ZDHHC20: variants seen among roughly 807,000 people sequenced by gnomAD.
ZDHHC20 encodes the protein zDHHC palmitoyltransferase 20.
Under a neutral mutation model 57.8 loss-of-function variants are expected in ZDHHC20, and 43 were observed. That is an observed-to-expected ratio of 0.74 (90% CI 0.58 to 0.96). ZDHHC20 has a LOEUF of 0.96. Ranked by LOEUF, ZDHHC20 falls within the 40% of genes least tolerant of loss-of-function variation. The pLI is 0.00. For synonymous variants in ZDHHC20, 157 were observed against 153.0 expected (o/e 1.03, Z -0.19); for missense variants, 391 against 441.1 (o/e 0.89, Z 1.02).
intron 9 of ZDHHC20, among the ~76,000 whole-genome samples, chr13:21,383,573 A>G (rs1315346567): frequency 6.6e-6 from 1 of 152,190 alleles, no homozygotes; most frequent in African/African-American, 2.4e-5. Context: ...ATTTAGAAAC[A>G]ATGTCTTCTG....
chr13:21,433,664 G>A (rs1344821570), intron 1 of ZDHHC20, among the ~76,000 whole-genome samples: 1 of 152,118 alleles, frequency 6.6e-6, no homozygotes, highest in Non-Finnish European at 1.5e-5. Flanking sequence ...GCCTGGTTTT[G>A]TTTTTTGTTT....
intron 4 of ZDHHC20, among the ~76,000 whole-genome samples, chr13:21,403,716 G>A (rs1260359654): frequency 2.0e-5 from 3 of 152,078 alleles, no homozygotes; most frequent in Non-Finnish European, 4.4e-5. Context: ...GGGACGGAGT[G>A]TCGCTCCGTC....
At chr13:21,390,460 G>T (rs1189486020) in intron 8 of ZDHHC20, among the ~76,000 whole-genome samples, 1 of 152,070 alleles carries the variant, frequency 6.6e-6, no homozygotes. Context: ...AGAAATAAAT[G>T]TTAATACTAG....
intron 1 of ZDHHC20, among the ~76,000 whole-genome samples, chr13:21,448,395 C>T (rs1180068435): frequency 1.9e-5 from 2 of 107,624 alleles, no homozygotes; most frequent in Non-Finnish European, 4.4e-5. Flanking sequence ...CCCGGCCAGC[C>T]GCCCCGTCCG....
chr13:21,418,133 G>A (rs146856199), intron 3 of ZDHHC20, among the ~76,000 whole-genome samples: 14 of 152,312 alleles, frequency 9.2e-5, no homozygotes, highest in African/African-American at 2.4e-4. Context: ...AGAATGCAAC[G>A]TAAATATCCC....
chr13:21,398,074 C>A (rs1877073675), intron 7 of ZDHHC20, among the ~76,000 whole-genome samples: 1 of 152,110 alleles, frequency 6.6e-6, no homozygotes, highest in African/African-American at 2.4e-5. Context: ...AATGAAAGAA[C>A]AAAGAGTCTA....
chr13:21,449,048 C>G (rs1190529334), intron 1 of ZDHHC20, among the ~76,000 whole-genome samples: 1 of 130,854 alleles, frequency 7.6e-6, no homozygotes, highest in South Asian at 2.5e-4. Flanking sequence ...TCACCAATCC[C>G]TGATCTCAAG....
intron 9 of ZDHHC20, among the ~76,000 whole-genome samples, chr13:21,383,736 C>A (rs1873908052): frequency 6.6e-6 from 1 of 152,016 alleles, no homozygotes; most frequent in East Asian, 1.9e-4. Context: ...ATTCATTAAA[C>A]AAATATTTAC....
chr13:21,413,936 T>C (rs1038886913), intron 3 of ZDHHC20, among the ~76,000 whole-genome samples, 164 bp from the exon 4 acceptor site: 3 of 152,172 alleles, frequency 2.0e-5, no homozygotes, highest in Non-Finnish European at 2.9e-5. Context: ...TAACAAAAAC[T>C]GTATACCTTT....
chr13:21,456,423 T>A (rs1884935082), intron 1 of ZDHHC20, among the ~76,000 whole-genome samples: 1 of 151,958 alleles, frequency 6.6e-6, no homozygotes, highest in African/African-American at 2.4e-5. Flanking sequence ...AAAATACATA[T>A]ATAAATAAAA....
chr13:21,386,074 GT>G (rs1874420305), intron 9 of ZDHHC20, among the ~76,000 whole-genome samples: 1 of 152,194 alleles, frequency 6.6e-6, no homozygotes, highest in African/African-American at 2.4e-5. Flanking sequence ...AGTAATCTGT[GT>G]TCCAACCAAT....
intron 4 of ZDHHC20, among the ~76,000 whole-genome samples, chr13:21,403,934 C>T (rs373231813): frequency 6.6e-5 from 10 of 152,114 alleles, no homozygotes; most frequent in African/African-American, 2.4e-4. Flanking sequence ...GTGAGTCACC[C>T]ACCTCGGCCT....
Position 21,378,714 on chromosome 13 carries a change from G to T in ZDHHC20, c.1085C>A (p.Ala362Glu). 1 of 1,461,798 alleles carries T rather than the reference G, an allele frequency of 6.8e-7. No individual in the cohort carries two copies. The allele number at this position is 1,461,798 out of a possible 1,614,324, so 90.6% of individuals were successfully genotyped here. ...KSGTNNHVTVAIEN is the reference protein window; with the variant it reads ...KSGTNNHVTVEIEN Reference sequence around the variant, plus strand: ...AACAAGTGGTACTCAATTTTCTATTGCCACTGTTACATGGTTATTTGTCCC... The same window carrying T: ...AACAAGTGGTACTCAATTTTCTATTTCCACTGTTACATGGTTATTTGTCCC... The change falls in exon 12 of 13, where the codon GCA becomes GAA. Residue 362 changes from alanine to glutamate, a missense_variant. Physicochemically the swap from Ala to Glu is moderately radical, Grantham distance 107 (BLOSUM62 -1). Transcript: ENST00000400590.
intron 11 of ZDHHC20, among the ~76,000 whole-genome samples, chr13:21,379,920 A>G (rs778147196): frequency 3.4e-5 from 5 of 144,982 alleles, no homozygotes; most frequent in Non-Finnish European, 7.5e-5. Flanking sequence ...GGTTCACGCC[A>G]TTCCCCTGCC....
At chr13:21,388,752 T>C (rs1875074925) in intron 8 of ZDHHC20, among the ~76,000 whole-genome samples, 1 of 152,086 alleles carries the variant, frequency 6.6e-6, no homozygotes. Context: ...CCTTATGGAG[T>C]AAGACATCCT....
At chr13:21,410,676 T>A (rs938285548) in intron 4 of ZDHHC20, among the ~76,000 whole-genome samples, 1 of 152,190 alleles carries the variant, frequency 6.6e-6, no homozygotes, top group Admixed American at 6.5e-5. Flanking sequence ...AAAATCCACT[T>A]ACTCAAGCCT....
intron 1 of ZDHHC20, among the ~76,000 whole-genome samples, chr13:21,442,039 C>T (rs910235530): frequency 3.3e-5 from 5 of 152,074 alleles, no homozygotes; most frequent in African/African-American, 4.8e-5. Context: ...ATTTTGTTTA[C>T]GTTAGGTATC....
intron 4 of ZDHHC20, among the ~76,000 whole-genome samples, chr13:21,404,101 A>G (rs1306178673): frequency 1.3e-5 from 2 of 152,208 alleles, no homozygotes; most frequent in African/African-American, 4.8e-5. Context: ...TTACTAAAAC[A>G]CTAGGAATAA....
chr13:21,440,654 A>G (rs1883051260), intron 1 of ZDHHC20, among the ~76,000 whole-genome samples: 19 of 152,064 alleles, frequency 1.2e-4, no homozygotes, highest in Admixed American at 1.2e-3. Flanking sequence ...GTGTGTATAT[A>G]TATATATGAC....
Sources: allele counts gnomAD v4.1 joint callset (sites outside exome capture counted in the v4.1 genomes callset), GRCh38; gene constraint gnomAD v4.1.1; transcripts MANE v1.5; gene names NCBI Gene and HGNC (gene_info 2026-07-23, HGNC 2026-07-21).